The following RPRD1B variants were observed in gnomAD, a reference collection of about 807,000 sequenced individuals.
The protein encoded by RPRD1B is regulation of nuclear pre-mRNA domain-containing protein 1B.
RPRD1B carries 11 observed loss-of-function variants against 41.5 expected under a neutral mutation model. That is an observed-to-expected ratio of 0.27 (90% CI 0.17 to 0.44). The LOEUF is 0.44. Ranked by LOEUF, RPRD1B falls within the 20% of genes least tolerant of loss-of-function variation. The pLI is 1.00. For missense variants in RPRD1B, 248 were observed against 389.9 expected (o/e 0.64, Z 3.06); for synonymous variants, 158 against 155.6 (o/e 1.02, Z -0.12).
intron 5 of RPRD1B, among the ~76,000 whole-genome samples, chr20:38,064,328 G>A (rs757880432): frequency 6.6e-6 from 1 of 152,200 alleles, no homozygotes; most frequent in Non-Finnish European, 1.5e-5. Context: ...CATTAAGAAG[G>A]CATCGAAAAG....
intron 1 of RPRD1B, among the ~76,000 whole-genome samples, chr20:38,034,884 T>C (rs769607869): frequency 1.2e-4 from 19 of 152,244 alleles, no homozygotes; most frequent in African/African-American, 2.4e-4. Context: ...AAGCCTGACT[T>C]TGCCGCCTTA....
chr20:38,046,072 A>G (rs1205001569), intron 2 of RPRD1B, among the ~76,000 whole-genome samples: 1 of 152,126 alleles, frequency 6.6e-6, no homozygotes. Context: ...TGGCTATTCC[A>G]TTTGAAGGAG....
intron 5 of RPRD1B, among the ~76,000 whole-genome samples, chr20:38,061,550 A>G (rs184718698): frequency 1.3e-5 from 2 of 152,150 alleles, no homozygotes; most frequent in Non-Finnish European, 2.9e-5. Context: ...TCTTTACTGG[A>G]TCATTCTCAA....
At chr20:38,076,817 G>T (rs1390416071) in intron 6 of RPRD1B, among the ~76,000 whole-genome samples, 1 of 149,156 alleles carries the variant, frequency 6.7e-6, no homozygotes. Flanking sequence ...CCCTCTGCTG[G>T]TTCTTCTGCT....
intron 5 of RPRD1B, among the ~76,000 whole-genome samples, chr20:38,061,073 C>T (rs2074292434): frequency 1.3e-5 from 2 of 152,174 alleles, no homozygotes; most frequent in Admixed American, 6.5e-5. Flanking sequence ...GTTTCACTGA[C>T]CTAAAGGTCT....
intron 1 of RPRD1B, among the ~76,000 whole-genome samples, chr20:38,036,479 T>G (rs2074004660): frequency 6.6e-6 from 1 of 152,228 alleles, no homozygotes; most frequent in Non-Finnish European, 1.5e-5. Flanking sequence ...TACTAGCTGT[T>G]CATTTGAACT....
chr20:38,061,669 G>A (rs1012070379), intron 5 of RPRD1B, among the ~76,000 whole-genome samples: 7 of 152,090 alleles, frequency 4.6e-5, no homozygotes, highest in African/African-American at 1.7e-4. Flanking sequence ...CAAACCACCT[G>A]AATGGATTGC....
chr20:38,052,752 GTTTT>G (rs146687415), intron 3 of RPRD1B, among the ~76,000 whole-genome samples: 34 of 81,696 alleles, frequency 4.2e-4, no homozygotes, highest in Admixed American at 1.2e-3. Flanking sequence ...CAAACGCGGT[GTTTT>G]TTTTTTTTTT....
At chr20:38,089,456 G>A (rs1600449731) in intron 6 of RPRD1B, among the ~76,000 whole-genome samples, 1 of 152,040 alleles carries the variant, frequency 6.6e-6, no homozygotes, top group East Asian at 1.9e-4. Flanking sequence ...AATACCAAGT[G>A]TTATTTCTTT....
At chr20:38,080,722 C>T (rs2074504946) in intron 6 of RPRD1B, among the ~76,000 whole-genome samples, 1 of 152,002 alleles carries the variant, frequency 6.6e-6, no homozygotes, top group African/African-American at 2.4e-5. Flanking sequence ...ATAGGGTTTC[C>T]CCATGTTGGC....
chr20:38,082,606 C>CTCGGTCTCCTGACCTCGTGAT (rs1184594222), intron 6 of RPRD1B, among the ~76,000 whole-genome samples: 1 of 152,154 alleles, frequency 6.6e-6, no homozygotes, highest in Admixed American at 6.5e-5. Context: ...CCAGGATGGT[C>CTCGGTCTCCTGACCTCGTGAT]TCGGTCTCCT....
intron 5 of RPRD1B, among the ~76,000 whole-genome samples, chr20:38,063,827 A>G (rs1363714000): frequency 2.6e-5 from 4 of 152,222 alleles, no homozygotes; most frequent in African/African-American, 9.7e-5. Context: ...AGGTCCCCCG[A>G]AGCGAGCATC....
intron 1 of RPRD1B, among the ~76,000 whole-genome samples, chr20:38,038,490 G>GTTTTTTTTTTTT (rs150397040): frequency 1.3e-5 from 1 of 76,786 alleles, no homozygotes; most frequent in Non-Finnish European, 2.6e-5. Context: ...TTTTTGTTTT[G>GTTTTTTTTTTTT]TTTTTTTTTT....
rs575297845 is a variant in RPRD1B, at chr20:38,070,717, A to C, written c.831+4461A>C. ...GAAAGAAAAAAGGTCAGGAACCTGC[A>C]GTTTTCCCTTCTTAACTGTGATTTT... On this transcript the variant is annotated intron_variant, in intron 6 of 6. Transcript: ENST00000373433. The C allele has an allele frequency of 1.4e-4, 138 of 981,568 alleles. 1 individual carries two copies. In the African/African-American group the frequency reaches 2.2e-3, roughly 16 times the overall value. The allele number at this position is 981,568 out of a possible 1,614,324, so 60.8% of individuals were successfully genotyped here.
intron 6 of RPRD1B, chr20:38,083,857 G>C (rs552993158): frequency 6.1e-4 from 93 of 152,280 alleles, no homozygotes; most frequent in African/African-American, 2.2e-3. Flanking sequence ...TGACACCCCA[G>C]AATGTGTCAT....
At chr20:38,088,085 C>G (rs1384633183) in intron 6 of RPRD1B, among the ~76,000 whole-genome samples, 1 of 152,234 alleles carries the variant, frequency 6.6e-6, no homozygotes, top group African/African-American at 2.4e-5. Context: ...AGCTCACTCT[C>G]TACCCTTTTC....
At chr20:38,064,561 A>C (rs2074333544) in intron 5 of RPRD1B, among the ~76,000 whole-genome samples, 1 of 152,180 alleles carries the variant, frequency 6.6e-6, no homozygotes, top group Non-Finnish European at 1.5e-5. Context: ...TTAAAATTCG[A>C]ATCTCACCAC....
At chr20:38,043,166 T>C (rs2074084680) in intron 2 of RPRD1B, among the ~76,000 whole-genome samples, 1 of 152,218 alleles carries the variant, frequency 6.6e-6, no homozygotes, top group Non-Finnish European at 1.5e-5. Flanking sequence ...AGTGATGTTC[T>C]AGAGTAGGAT....
chr20:38,040,347 G>GT (rs1481769109), intron 1 of RPRD1B, 88 bp from the exon 2 acceptor site: 5 of 1,100,764 alleles, frequency 4.5e-6, no homozygotes, highest in African/African-American at 1.6e-5. Flanking sequence ...TTGTCTTAAT[G>GT]TTTTTTTAGG....
Sources: gnomAD v4.1 joint callset for allele counts (sites outside exome capture counted in the v4.1 genomes callset) on GRCh38, gnomAD v4.1.1 for gene constraint, MANE v1.5 for transcripts, NCBI Gene and HGNC (gene_info 2026-07-23, HGNC 2026-07-21) for gene names.